Variants in RBFOX1 observed in about 807,000 individuals in gnomAD.
RBFOX1 encodes RNA binding fox-1 homolog 1, also known as RNA binding protein fox-1 homolog 1.
RBFOX1 carries 8 observed loss-of-function variants against 57.7 expected under a neutral mutation model. The observed-to-expected ratio is 0.14, with a 90% CI of 0.08 to 0.25. The LOEUF is 0.25. Among genes scored for constraint, RBFOX1 ranks in the 10% least tolerant of loss-of-function variants. The pLI is 1.00. For synonymous variants in RBFOX1, 326 were observed against 222.4 expected, an observed-to-expected ratio of 1.47 and a Z score of -4.15; for missense variants, 611 against 548.5, an observed-to-expected ratio of 1.11 and a Z score of -1.14.
At chr16:5,527,136 G>A (rs1166470805) in intron 2 of RBFOX1, among the ~76,000 whole-genome samples, 1 of 152,222 alleles carries the variant, frequency 6.6e-6, no homozygotes, top group Non-Finnish European at 1.5e-5. Context: ...AAGGCTGGTG[G>A]AAAATGAAGG....
At chr16:5,636,459 T>G (rs1189658580) in intron 3 of RBFOX1, among the ~76,000 whole-genome samples, 1 of 152,208 alleles carries the variant, frequency 6.6e-6, no homozygotes, top group Non-Finnish European at 1.5e-5. Flanking sequence ...AAGCACTGGA[T>G]GAGAATCTGA....
chr16:6,858,628 T>C (rs367960928), intron 3 of RBFOX1, among the ~76,000 whole-genome samples: 1 of 152,166 alleles, frequency 6.6e-6, no homozygotes, highest in Non-Finnish European at 1.5e-5. Context: ...GACGATTTCA[T>C]TTAGTTTATA....
At chr16:5,795,930 A>G (rs1186348731) in intron 3 of RBFOX1, among the ~76,000 whole-genome samples, 1 of 152,230 alleles carries the variant, frequency 6.6e-6, no homozygotes, top group African/African-American at 2.4e-5. Flanking sequence ...TAGGTCGACA[A>G]CACTCACCAG....
intron 1 of RBFOX1, among the ~76,000 whole-genome samples, chr16:6,227,947 C>G (rs1598566165): frequency 6.6e-6 from 1 of 152,090 alleles, no homozygotes; most frequent in East Asian, 1.9e-4. Context: ...ATTATACATC[C>G]AAAGAAAATG....
At chr16:6,271,725 A>T (rs1482484522) in intron 1 of RBFOX1, among the ~76,000 whole-genome samples, 1 of 152,208 alleles carries the variant, frequency 6.6e-6, no homozygotes, top group African/African-American at 2.4e-5. Context: ...TCCTTGTAAA[A>T]TACAAACCAT....
chr16:5,577,375 C>T (rs1428285665), intron 2 of RBFOX1, among the ~76,000 whole-genome samples: 1 of 152,096 alleles, frequency 6.6e-6, no homozygotes, highest in Non-Finnish European at 1.5e-5. Context: ...GGGGGTCTCA[C>T]CTCCTCACCT....
intron 2 of RBFOX1, among the ~76,000 whole-genome samples, chr16:6,612,935 C>T (rs1047939199): frequency 6.6e-6 from 1 of 151,522 alleles, no homozygotes. Flanking sequence ...TTACCAAATT[C>T]AGTTTGACAA....
At chr16:6,068,451 T>C (rs775313228) in intron 1 of RBFOX1, among the ~76,000 whole-genome samples, 2 of 152,156 alleles carry the variant, frequency 1.3e-5, no homozygotes, top group Non-Finnish European at 2.9e-5. Context: ...TCCTGGGCCT[T>C]GAAGCATGAC....
chr16:7,367,656 A>G (rs978083464), intron 4 of RBFOX1, among the ~76,000 whole-genome samples: 12 of 152,196 alleles, frequency 7.9e-5, no homozygotes, highest in African/African-American at 1.9e-4. Flanking sequence ...TTCAATGGGA[A>G]TAGTGGAGAA....
At chr16:5,865,593 T>C (rs74370829) in intron 3 of RBFOX1, among the ~76,000 whole-genome samples, 3,925 of 151,948 alleles carry the variant, frequency 0.026, 113 homozygotes, top group East Asian at 0.12. Flanking sequence ...TGTGGGAGAG[T>C]TGGTGCCAAA....
chr16:5,540,014 T>C (rs1354830350), intron 2 of RBFOX1, among the ~76,000 whole-genome samples: 1 of 152,246 alleles, frequency 6.6e-6, no homozygotes, highest in Non-Finnish European at 1.5e-5. Flanking sequence ...TTGCATTCTT[T>C]TTCTTCTGTT....
chr16:5,390,619 T>G (rs2066381782), intron 1 of RBFOX1, among the ~76,000 whole-genome samples: 1 of 152,122 alleles, frequency 6.6e-6, no homozygotes, highest in Non-Finnish European at 1.5e-5. Context: ...TCACAATATA[T>G]CATGGATGCT....
chr16:7,182,596 A>C (rs2082938902), intron 4 of RBFOX1, among the ~76,000 whole-genome samples: 1 of 152,244 alleles, frequency 6.6e-6, no homozygotes, highest in African/African-American at 2.4e-5. Flanking sequence ...GTTTAGACTC[A>C]GTTAAGCAAA....
At chr16:7,122,209 G>C (rs911018944) in intron 4 of RBFOX1, among the ~76,000 whole-genome samples, 4 of 152,006 alleles carry the variant, frequency 2.6e-5, no homozygotes, top group African/African-American at 9.7e-5. Context: ...TTAAAAGAAA[G>C]AAAATACAAG....
chr16:7,172,445 A>G (rs1038701164), intron 4 of RBFOX1, among the ~76,000 whole-genome samples: 4 of 152,188 alleles, frequency 2.6e-5, no homozygotes, highest in Admixed American at 2.6e-4. Flanking sequence ...TAAAATATAC[A>G]TATTTCTCTG....
chr16:6,639,357 G>GT (rs961968703), intron 2 of RBFOX1, among the ~76,000 whole-genome samples: 12 of 152,136 alleles, frequency 7.9e-5, no homozygotes, highest in African/African-American at 2.9e-4. Context: ...GAGCGGTTTA[G>GT]TAGGTGTTGA....
intron 3 of RBFOX1, among the ~76,000 whole-genome samples, chr16:5,679,348 A>T (rs978392365): frequency 2.3e-4 from 35 of 149,126 alleles, no homozygotes; most frequent in African/African-American, 8.5e-4. Context: ...TTTTTTTTTA[A>T]AAAACAATTT....
At position 6,712,776 on chromosome 16, in the gene RBFOX1, A is replaced by G. The variant is rs956913687; in HGVS notation, c.-16+58126A>G. Among the ~76,000 whole-genome samples the G allele has an allele frequency of 7.3e-5, 11 of 150,710 alleles. 1 individual carries two copies. Among genetic ancestry groups the G allele is most frequent in the African/African-American group, 2.2e-4 (9 of 41,054 alleles). On this transcript the variant is annotated intron_variant, in intron 3 of 15. Coordinates refer to ENST00000550418, the MANE Select transcript of RBFOX1 (RefSeq NM_018723.4). ...TATAAAATATTCCACTTACCAGTTGATATGGTTTGGCTGTGTCCCCACCCA... is the reference window on the plus strand; with the variant it reads ...TATAAAATATTCCACTTACCAGTTGGTATGGTTTGGCTGTGTCCCCACCCA...
chr16:7,358,700 G>A lies in RBFOX1; in HGVS notation c.28-159447G>A, dbSNP rs577077153. 7.2e-5 allele frequency among the ~76,000 whole-genome samples: 11 copies of A among 152,302 alleles called. No individual in the cohort carries two copies. The South Asian group carries it at 1.2e-3, about 17-fold the overall frequency. On this transcript the variant is annotated intron_variant, in intron 4 of 15. Transcript: ENST00000550418. ...CTCCCAAAGTGCTGGGATTACAAGCGTGAACCACTGCGCCCAGTCTCTTAA... is the reference window on the plus strand; with the variant it reads ...CTCCCAAAGTGCTGGGATTACAAGCATGAACCACTGCGCCCAGTCTCTTAA...
Sources: allele counts gnomAD v4.1 joint callset (sites outside exome capture counted in the v4.1 genomes callset), GRCh38; gene constraint gnomAD v4.1.1; transcripts MANE v1.5; gene names NCBI Gene and HGNC (gene_info 2026-07-23, HGNC 2026-07-21).